The following IL1RAPL1 variants were observed in gnomAD, a reference collection of about 807,000 sequenced individuals.
IL1RAPL1 encodes the protein interleukin-1 receptor accessory protein-like 1.
Under a neutral mutation model 48.4 loss-of-function variants are expected in IL1RAPL1, and 3 were observed. That is an observed-to-expected ratio of 0.06 (90% CI 0.03 to 0.16). The LOEUF is 0.16. Ranked by LOEUF, IL1RAPL1 falls within the 10% of genes least tolerant of loss-of-function variation. IL1RAPL1 has a pLI of 1.00. For missense variants in IL1RAPL1, 349 were observed against 530.6 expected (o/e 0.66, Z 3.36); for synonymous variants, 185 against 187.7 (o/e 0.99, Z 0.12).
At chrX:29,551,266 T>C (rs995388215) in intron 5 of IL1RAPL1, among the ~76,000 whole-genome samples, 1 of 112,250 alleles carries the variant, frequency 8.9e-6, no homozygotes, top group East Asian at 2.8e-4. Flanking sequence ...ATAGTGCTAC[T>C]AGGACCGTGG....
intron 2 of IL1RAPL1, among the ~76,000 whole-genome samples, chrX:29,070,996 A>G (rs986751807): frequency 8.9e-6 from 1 of 111,896 alleles, no homozygotes; most frequent in African/African-American, 3.2e-5. Context: ...GTATCAGTAC[A>G]TAAAATATAC....
intron 2 of IL1RAPL1, among the ~76,000 whole-genome samples, chrX:28,963,390 C>T (rs373330081): frequency 9.0e-6 from 1 of 110,803 alleles, no homozygotes; most frequent in East Asian, 2.8e-4. Context: ...CCTCTGCATA[C>T]CCCCAATATA....
chrX:28,813,461 A>G (rs1014396196), intron 2 of IL1RAPL1, among the ~76,000 whole-genome samples: 15 of 111,291 alleles, frequency 1.3e-4, no homozygotes, highest in Non-Finnish European at 2.5e-4. Context: ...AATGTGGTCT[A>G]TCTTCATCAG....
intron 3 of IL1RAPL1, among the ~76,000 whole-genome samples, chrX:29,375,840 T>C (rs1933615546): frequency 8.9e-6 from 1 of 112,474 alleles, no homozygotes; most frequent in South Asian, 3.6e-4. Context: ...TTCTAATTTG[T>C]TTGCATAGAG....
chrX:28,840,888 A>G (rs190869137), intron 2 of IL1RAPL1, among the ~76,000 whole-genome samples: 33 of 110,696 alleles, frequency 3.0e-4, no homozygotes, highest in African/African-American at 1.0e-3. Context: ...AACAGCAACA[A>G]GTATGGAACC....
intron 2 of IL1RAPL1, among the ~76,000 whole-genome samples, chrX:29,125,263 C>A (rs1487522117): frequency 8.9e-6 from 1 of 112,217 alleles, no homozygotes; most frequent in Non-Finnish European, 1.9e-5. Context: ...ATTATATCCA[C>A]CTCCTACCAA....
intron 2 of IL1RAPL1, among the ~76,000 whole-genome samples, chrX:29,021,281 A>G (rs1292218464): frequency 1.8e-5 from 2 of 108,607 alleles, no homozygotes; most frequent in Non-Finnish European, 3.8e-5. Context: ...TCAAAATGTC[A>G]TCTTTCTCCA....
intron 2 of IL1RAPL1, among the ~76,000 whole-genome samples, chrX:28,802,655 AATT>A (rs1450537407): frequency 8.9e-6 from 1 of 112,306 alleles, no homozygotes; most frequent in Non-Finnish European, 1.9e-5. Context: ...AGTAAAGAAA[AATT>A]ATTCTTATCA....
At chrX:29,802,747 T>TTATATATATATA (rs1210417673) in intron 6 of IL1RAPL1, among the ~76,000 whole-genome samples, 50 of 36,238 alleles carry the variant, frequency 1.4e-3, no homozygotes, top group Admixed American at 6.5e-3. Flanking sequence ...GAGGAAAAAA[T>TTATATATATATA]TATATATATA....
At chrX:29,857,806 G>A (rs998577571) in intron 6 of IL1RAPL1, among the ~76,000 whole-genome samples, 14 of 111,692 alleles carry the variant, frequency 1.3e-4, no homozygotes, top group African/African-American at 4.5e-4. Context: ...ACAAAGGGAG[G>A]CAATTCTGGA....
chrX:29,252,241 T>C (rs1415076131), intron 2 of IL1RAPL1, among the ~76,000 whole-genome samples: 8 of 109,521 alleles, frequency 7.3e-5, no homozygotes. Context: ...ATTGTGCACA[T>C]GTACCCTAAA....
intron 5 of IL1RAPL1, among the ~76,000 whole-genome samples, chrX:29,636,406 A>G (rs1479962691): frequency 8.9e-6 from 1 of 112,255 alleles, no homozygotes; most frequent in Non-Finnish European, 1.9e-5. Context: ...ACATATAAGG[A>G]ACGTTTTAAT....
intron 3 of IL1RAPL1, among the ~76,000 whole-genome samples, chrX:29,333,537 T>C (rs1469114880): frequency 6.0e-5 from 4 of 66,225 alleles, no homozygotes; most frequent in East Asian, 4.6e-4. Flanking sequence ...GGGGGGCTGA[T>C]CCCCCCACCT....
chrX:29,228,188 A>G (rs1372211247), intron 2 of IL1RAPL1, among the ~76,000 whole-genome samples: 4 of 24,762 alleles, frequency 1.6e-4, no homozygotes, highest in African/African-American at 2.8e-4. Flanking sequence ...GCACACACAC[A>G]CACACACACA....
chrX:29,923,422 G>C (rs1932861827), intron 8 of IL1RAPL1, among the ~76,000 whole-genome samples: 1 of 112,070 alleles, frequency 8.9e-6, no homozygotes. Flanking sequence ...GCAAGAGAAA[G>C]ACAGAGAATG....
intron 1 of IL1RAPL1, among the ~76,000 whole-genome samples, chrX:28,662,392 T>C (rs1227457372): frequency 9.0e-6 from 1 of 111,462 alleles, no homozygotes; most frequent in Admixed American, 9.6e-5. Flanking sequence ...TTCAGGAGGA[T>C]TGGTTTTAAA....
chrX:28,996,813 C>T (rs1026193154), intron 2 of IL1RAPL1, among the ~76,000 whole-genome samples: 1 of 111,331 alleles, frequency 9.0e-6, no homozygotes, highest in East Asian at 2.8e-4. Flanking sequence ...TTATGATTTG[C>T]ATTTCCCTGA....
Position 29,300,905 on chromosome X carries a change from GC to G in IL1RAPL1, c.362+17695del, listed in dbSNP as rs199610593. 3.8e-3 allele frequency among the ~76,000 whole-genome samples: 425 copies of G among 110,634 alleles called. 2 individuals are homozygous for G. The highest frequency in any genetic ancestry group is 0.013 in the African/African-American group (392 of 30,311). On this transcript the variant is annotated intron_variant, in intron 3 of 10. Transcript: ENST00000378993. ...TGACAGCTCTCTCTTTACCCTAATCGCCCCCCCTGGAGGAAATAACATTTTT... is the reference window on the plus strand; with the variant it reads ...TGACAGCTCTCTCTTTACCCTAATCGCCCCCCTGGAGGAAATAACATTTTT...
chrX:29,553,374 T>C (rs947949799), intron 5 of IL1RAPL1, among the ~76,000 whole-genome samples: 2 of 111,756 alleles, frequency 1.8e-5, no homozygotes, highest in African/African-American at 6.5e-5. Context: ...TTTTCTCAGA[T>C]AGAGTCTGTA....
Sources: gnomAD v4.1 joint callset for allele counts (sites outside exome capture counted in the v4.1 genomes callset) on GRCh38, gnomAD v4.1.1 for gene constraint, MANE v1.5 for transcripts, NCBI Gene and HGNC (gene_info 2026-07-23, HGNC 2026-07-21) for gene names.